The following ABCA10 variants were observed in gnomAD, a reference collection of about 807,000 sequenced individuals.
ABCA10 encodes the protein ATP-binding cassette sub-family A member 10.
In ABCA10, 169 loss-of-function variants were observed where a neutral mutation model predicts 187.5. The observed-to-expected ratio is 0.90, with a 90% CI of 0.80 to 1.02. ABCA10 has a LOEUF of 1.02. ABCA10 is among the 50% of genes least tolerant of loss of function. The pLI is 0.00. For synonymous variants in ABCA10, 574 were observed against 601.8 expected (o/e 0.95, Z 0.68); for missense variants, 1,727 against 1,812.4 (o/e 0.95, Z 0.86).
At chr17:69,165,873 T>C (rs1233801021) in intron 25 of ABCA10, among the ~76,000 whole-genome samples, 1 of 152,184 alleles carries the variant, frequency 6.6e-6, no homozygotes, top group Non-Finnish European at 1.5e-5. Flanking sequence ...GCATAAAATA[T>C]ATGTAGATAT....
chr17:69,156,830 A>G lies in ABCA10; in HGVS notation c.3455+2T>C. 6.5e-7 allele frequency: 1 copy of G among 1,534,540 alleles called. No individual in the cohort carries two copies. The highest frequency in any genetic ancestry group is 8.8e-7 in the Non-Finnish European group (1 of 1,130,486). Reference sequence around the variant, plus strand: ...TCAGATCTCAATTAATATTTTCCCAACCTGAAAACTGGGTCTTTATTCATT... The same window carrying G: ...TCAGATCTCAATTAATATTTTCCCAGCCTGAAAACTGGGTCTTTATTCATT... On this transcript the variant is annotated splice_donor_variant, in intron 28 of 38. Coordinates refer to ENST00000690296, the MANE Select transcript of ABCA10 (RefSeq NM_001377321.1). LOFTEE classifies it high-confidence loss of function.
intron 9 of ABCA10, among the ~76,000 whole-genome samples, chr17:69,208,494 T>C (rs181392249): frequency 6.6e-5 from 10 of 150,510 alleles, no homozygotes; most frequent in East Asian, 3.9e-4. Context: ...AAATTTAGTA[T>C]GGCACAGAAT....
chr17:69,232,189 T>G (rs1447167511), upstream of ABCA10, among the ~76,000 whole-genome samples: 1 of 152,102 alleles, frequency 6.6e-6, no homozygotes, highest in Non-Finnish European at 1.5e-5. Flanking sequence ...TTTTATTCAA[T>G]CAGCCACTTT....
Position 69,190,493 on chromosome 17 carries a change from T to A in ABCA10, c.2012-16A>T. ...CTGTAAAGATCTAAAAAGCCAATAG[T>A]AATAAGTCAACGCAATTAAAATTAT... On this transcript the variant is annotated splice_polypyrimidine_tract_variant and intron_variant, in intron 17 of 38. Coordinates refer to ENST00000690296, the MANE Select transcript of ABCA10 (RefSeq NM_001377321.1). The A allele has an allele frequency of 6.4e-7, 1 of 1,552,508 alleles. No individual in the cohort carries two copies. Among genetic ancestry groups the A allele is most frequent in the Non-Finnish European group, 8.6e-7 (1 of 1,160,828 alleles).
intron 9 of ABCA10, among the ~76,000 whole-genome samples, chr17:69,208,145 C>T (rs9900459): frequency 0.13 from 20,035 of 151,940 alleles, 2,271 homozygotes; most frequent in African/African-American, 0.3. Flanking sequence ...AGGCCAGGCG[C>T]GGTGGCTCAC....
At chr17:69,196,262 C>A in intron 11 of ABCA10, 1 of 165,984 alleles carries the variant, frequency 6.0e-6, no homozygotes, top group South Asian at 1.5e-4. Context: ...GACGGGGTGG[C>A]TGCCGGGCAG....
At chr17:69,151,085 A>T (rs766276935) in intron 36 of ABCA10, among the ~76,000 whole-genome samples, 32 of 152,018 alleles carry the variant, frequency 2.1e-4, no homozygotes, top group Non-Finnish European at 3.7e-4. Context: ...GATCTCAATG[A>T]CCTCTTCCTT....
intron 6 of ABCA10, among the ~76,000 whole-genome samples, chr17:69,217,823 A>G (rs932668840): frequency 2.6e-5 from 4 of 152,202 alleles, no homozygotes; most frequent in Non-Finnish European, 2.9e-5. Flanking sequence ...ACAAAGCTAT[A>G]TATTTTTAAG....
At chr17:69,199,436 A>C (rs1290072816) in intron 10 of ABCA10, among the ~76,000 whole-genome samples, 1 of 152,226 alleles carries the variant, frequency 6.6e-6, no homozygotes, top group Non-Finnish European at 1.5e-5. Context: ...GAATGATCAA[A>C]GAGTTCCTGG....
At chr17:69,219,517 T>C (rs202060650) in intron 6 of ABCA10, 28 bp downstream of exon 6, 1 of 1,449,218 alleles carries the variant, frequency 6.9e-7, no homozygotes. Context: ...TAATGTATGA[T>C]ATACAGTAAA....
At chr17:69,208,444 A>G (rs2074609483) in intron 9 of ABCA10, among the ~76,000 whole-genome samples, 1 of 146,742 alleles carries the variant, frequency 6.8e-6, no homozygotes, top group East Asian at 2.0e-4. Flanking sequence ...AAAAAAAAGA[A>G]TGTATTAGGA....
At chr17:69,194,319 T>C (rs1348147833) in intron 12 of ABCA10, 66 bp downstream of exon 12, 4 of 1,336,318 alleles carry the variant, frequency 3.0e-6, no homozygotes, top group African/African-American at 1.5e-5. Flanking sequence ...AAACATTTTT[T>C]ACATAATCAA....
At chr17:69,223,347 G>A (rs1008936368) in intron 3 of ABCA10, among the ~76,000 whole-genome samples, 1 of 152,038 alleles carries the variant, frequency 6.6e-6, no homozygotes, top group African/African-American at 2.4e-5. Context: ...AAAAAATATA[G>A]TCTACCTACA....
Position 69,219,553 on chromosome 17 carries a change from T to G in ABCA10, c.522A>C (p.Ser174=), listed in dbSNP as rs1034324994. The change falls in exon 6 of 39, where the codon TCA becomes TCC. Residue 174 remains serine, a synonymous_variant. Coordinates refer to ENST00000690296, the MANE Select transcript of ABCA10 (RefSeq NM_001377321.1). ...KLMTVMGLRE[S]AFWLSWGLTY... is the part of the protein sequence containing the mutation. ...GTAGCAACTTAACTTACCAGAATGC[T>G]GACTCTCGGAGACCCATCACTGTCA... is the stretch of plus-strand genomic sequence containing the variant. 6.4e-7 allele frequency: 1 copy of G among 1,568,034 alleles called. No individual in the cohort carries two copies. Among genetic ancestry groups the G allele is most frequent in the Admixed American group, 1.9e-5 (1 of 52,850 alleles).
At chr17:69,179,866 T>C (rs1368269834) in intron 22 of ABCA10, among the ~76,000 whole-genome samples, 2 of 152,168 alleles carry the variant, frequency 1.3e-5, no homozygotes, top group Non-Finnish European at 2.9e-5. Context: ...AGCTTTTTTA[T>C]TAAATGCAGG....
At chr17:69,214,923 ATAG>A in intron 8 of ABCA10, 72 bp from the exon 9 acceptor site, 1 of 1,106,640 alleles carries the variant, frequency 9.0e-7, no homozygotes. Flanking sequence ...TTTTTAAAAA[ATAG>A]TGGTACCTAG....
At chr17:69,236,597 G>A (rs1025317511) in intron 1 of ABCA10, among the ~76,000 whole-genome samples, 21 of 152,294 alleles carry the variant, frequency 1.4e-4, no homozygotes, top group African/African-American at 4.8e-4. Context: ...CATTACTTGT[G>A]TATGGAAAAA....
chr17:69,231,410 A>G (rs2144859574), upstream of ABCA10, among the ~76,000 whole-genome samples: 1 of 152,288 alleles, frequency 6.6e-6, no homozygotes, highest in South Asian at 2.1e-4. Flanking sequence ...GTATTGCTAT[A>G]AACTTCCCTC....
rs9906954 is a variant in ABCA10 at position 69,161,655 on chromosome 17, C to T, written c.3363+2419G>A. ...TTGGGGGGCAACAAAATAAACTCAT[C>T]CTAACTTCTTATAATATGTTTGAAC... On this transcript the variant is annotated intron_variant, in intron 27 of 38. Transcript: ENST00000690296. 4.0e-3 allele frequency among the ~76,000 whole-genome samples: 607 copies of T among 152,278 alleles called. 6 individuals are homozygous for T. Among genetic ancestry groups the T allele is most frequent in the African/African-American group, 0.014 (586 of 41,550 alleles).
Sources: allele counts gnomAD v4.1 joint callset (sites outside exome capture counted in the v4.1 genomes callset), GRCh38; gene constraint gnomAD v4.1.1; transcripts MANE v1.5; gene names NCBI Gene and HGNC (gene_info 2026-07-23, HGNC 2026-07-21).